The following KCNJ1 variants were observed in gnomAD, a reference collection of about 807,000 sequenced individuals.
KCNJ1 encodes the protein ATP-sensitive inward rectifier potassium channel 1.
In KCNJ1, 24 loss-of-function variants were observed where a neutral mutation model predicts 21.9. That is an observed-to-expected ratio of 1.10 (90% CI 0.79 to 1.54). The LOEUF (loss-of-function observed/expected upper bound fraction) is 1.54, where lower values mean the gene tolerates loss of function less well. Among genes scored for constraint, KCNJ1 ranks in the 40% most tolerant of loss-of-function variants. KCNJ1 has a pLI of 0.00. For synonymous variants in KCNJ1, 152 were observed against 160.9 expected, an observed-to-expected ratio of 0.94 and a Z score of 0.42; for missense variants, 457 against 455.4, an observed-to-expected ratio of 1.00 and a Z score of -0.03.
At chr11:128,849,672 A>AT (rs1943447690) in intron 2 of KCNJ1, among the ~76,000 whole-genome samples, 1 of 152,246 alleles carries the variant, frequency 6.6e-6, no homozygotes, top group Admixed American at 6.5e-5. Flanking sequence ...AGAAGCAGCC[A>AT]TGAGAGCAGC....
intron 1 of KCNJ1, among the ~76,000 whole-genome samples, chr11:128,861,072 G>A (rs1488068907): frequency 1.3e-5 from 2 of 152,210 alleles, no homozygotes; most frequent in Non-Finnish European, 2.9e-5. Flanking sequence ...CAGGGCCCAC[G>A]AATGCCCAGC....
rs1264400726 is a variant in KCNJ1 at position 128,839,095 on chromosome 11, C to T, written c.*30G>A. On this transcript the variant is annotated 3_prime_UTR_variant, in exon 3 of 3. Transcript: ENST00000392666. ...TTCTAGGTACTAGGAGCTTTAGAGA[C>T]TTTGCTTTACTCCCGTTGAAAAGCC... 1.9e-6 allele frequency: 3 copies of T among 1,601,958 alleles called. No individual in the cohort carries two copies. The highest frequency in any genetic ancestry group is 2.6e-6 in the Non-Finnish European group (3 of 1,172,644).
intron 1 of KCNJ1, among the ~76,000 whole-genome samples, chr11:128,861,876 T>C (rs1024326062): frequency 5.3e-5 from 8 of 152,184 alleles, no homozygotes; most frequent in Non-Finnish European, 1.0e-4. Flanking sequence ...GGTTGAAGTC[T>C]AATTTCCTCT....
At chr11:128,843,787 C>A (rs760195722) in intron 2 of KCNJ1, among the ~76,000 whole-genome samples, 2 of 152,188 alleles carry the variant, frequency 1.3e-5, no homozygotes, top group Non-Finnish European at 2.9e-5. Context: ...AATCACTATT[C>A]AATGATGATA....
Position 128,838,104 on chromosome 11 carries a change from G to A in KCNJ1, c.*1021C>T, listed in dbSNP as rs963146345. ...AGCTTTGAGTACCAGTTTTTTTCCA[G>A]GACACATTCGGAATGATGCAGGTGG... On this transcript the variant is annotated 3_prime_UTR_variant, in exon 3 of 3. Transcript: ENST00000392666. The A allele has an allele frequency of 4.6e-5, 7 of 152,512 alleles. No homozygotes were observed. Among genetic ancestry groups the A allele is most frequent in the African/African-American group, 1.4e-4 (6 of 41,388 alleles). The allele number at this position is 152,512 out of a possible 1,614,324, so 9.4% of individuals were successfully genotyped here.
chr11:128,839,703 T>C lies in KCNJ1; in HGVS notation c.541A>G (p.Ile181Val). The C allele has an allele frequency of 6.2e-7, 1 of 1,613,282 alleles. No individual in the cohort carries two copies. Among genetic ancestry groups the C allele is most frequent in the Non-Finnish European group, 8.5e-7 (1 of 1,179,710 alleles). Reference sequence around the variant, plus strand: ...CAAAGCTTCCCTCCCCGTTTGCTGATCACTGCGTTCTTGCTGAACGTAATG... The same window carrying C: ...CAAAGCTTCCCTCCCCGTTTGCTGACCACTGCGTTCTTGCTGAACGTAATG... ...KTITFSKNAV[I>V]SKRGGKLCLL... Residue 181 changes from isoleucine (I) to valine (V), a missense_variant, in exon 3 of 3, where the codon ATC (isoleucine) becomes GTC (valine). Physicochemically the swap from Ile to Val is conservative, Grantham distance 29. Transcript: ENST00000392666.
At chr11:128,848,879 A>G (rs1198488541) in intron 2 of KCNJ1, among the ~76,000 whole-genome samples, 1 of 152,218 alleles carries the variant, frequency 6.6e-6, no homozygotes, top group Non-Finnish European at 1.5e-5. Flanking sequence ...GCACAGATGA[A>G]TGAAGAAAAA....
Position 128,839,452 on chromosome 11 carries a change from C to T in KCNJ1, c.792G>A (p.Ala264=), listed in dbSNP as rs567888166. Residue 264 remains alanine, a synonymous_variant, in exon 3 of 3, where the codon GCG becomes GCA. Coordinates refer to ENST00000392666, the MANE Select transcript of KCNJ1 (RefSeq NM_153766.3). ...DHNSPFFHMA[A]ETLLQQDFEL... ...CAAAGTCCTGCTGGAGAAGGGTCTC[C>T]GCTGCCATGTGGAAGAAAGGGCTGT... The T allele has an allele frequency of 5.6e-4, 902 of 1,614,116 alleles. 7 individuals carry two copies. The South Asian group carries it at 9.3e-3, about 17-fold the overall frequency.
At chr11:128,842,640 A>AC in intron 2 of KCNJ1, 1 of 882,338 alleles carries the variant, frequency 1.1e-6, no homozygotes, top group South Asian at 1.8e-5. Context: ...TTTCTTTCCA[A>AC]CATCACATGG....
chr11:128,838,239 T>G lies in KCNJ1; in HGVS notation c.*886A>C, dbSNP rs967497679. On this transcript the variant is annotated 3_prime_UTR_variant, in exon 3 of 3. Transcript: ENST00000392666. ...TCAGGGAAAGAAAGACATAGTAACATTCTGACTGTGGGGCTCCATCCCATT... is the reference window on the plus strand; with the variant it reads ...TCAGGGAAAGAAAGACATAGTAACAGTCTGACTGTGGGGCTCCATCCCATT... The G allele has an allele frequency of 6.6e-6, 1 of 152,584 alleles. No homozygotes were observed. The highest frequency in any genetic ancestry group is 2.1e-4 in the South Asian group (1 of 4,832). 9.5% of individuals were successfully genotyped at this position (152,584 alleles called of 1,614,324 possible).
chr11:128,856,520 T>A (rs149243695), intron 1 of KCNJ1, among the ~76,000 whole-genome samples: 39 of 152,346 alleles, frequency 2.6e-4, no homozygotes, highest in Non-Finnish European at 4.7e-4. Flanking sequence ...ACATGTGATG[T>A]ACGCTGGGAC....
chr11:128,849,502 C>T (rs1034004705), intron 2 of KCNJ1, among the ~76,000 whole-genome samples: 1 of 152,046 alleles, frequency 6.6e-6, no homozygotes, highest in African/African-American at 2.4e-5. Flanking sequence ...AAAAGCACTA[C>T]AAGAGGAGGA....
chr11:128,864,868 T>G (rs756070147), intron 1 of KCNJ1, among the ~76,000 whole-genome samples: 11 of 152,122 alleles, frequency 7.2e-5, no homozygotes, highest in Admixed American at 1.3e-4. Flanking sequence ...CCGGCCGTGG[T>G]CTTACCCTAC....
intron 2 of KCNJ1, among the ~76,000 whole-genome samples, chr11:128,848,606 T>C (rs1943425119): frequency 6.6e-6 from 1 of 152,204 alleles, no homozygotes; most frequent in African/African-American, 2.4e-5. Flanking sequence ...ACTTGATCCC[T>C]GCCCTGTTCA....
At position 128,839,360 on chromosome 11, in the gene KCNJ1, T is replaced by G. The variant is rs757644888; in HGVS notation, c.884A>C (p.Tyr295Ser). 2 of 1,614,092 alleles carry G rather than the reference T, an allele frequency of 1.2e-6. No individual in the cohort carries two copies. The highest frequency in any genetic ancestry group is 2.2e-5 in the East Asian group (1 of 44,892). ...TSATCQVRTS[Y>S]VPEEVLWGYR... ...GCCCCAAAGCACCTCCTCTGGGACA[T>G]AGGATGTCCGGACTTGGCAGGTAGC... The change falls in exon 3 of 3, where the codon TAT (tyrosine) becomes TCT (serine). Residue 295 changes from tyrosine to serine, a missense_variant. Tyr to Ser is a moderately radical substitution (Grantham distance 144). Coordinates refer to ENST00000392666, the MANE Select transcript of KCNJ1 (RefSeq NM_153766.3).
chr11:128,842,343 T>A, intron 2 of KCNJ1: 1 of 1,611,606 alleles, frequency 6.2e-7, no homozygotes, highest in Admixed American at 1.7e-5. Flanking sequence ...ATTATCTGCC[T>A]GGCTTTCCAG....
chr11:128,851,426 G>A, intron 1 of KCNJ1, among the ~76,000 whole-genome samples: 1 of 152,186 alleles, frequency 6.6e-6, no homozygotes, highest in East Asian at 1.9e-4. Context: ...TCTTCCACTT[G>A]TTTATCCTGT....
Position 128,850,737 on chromosome 11 carries a change from T to C in KCNJ1, c.-38A>G, listed in dbSNP as rs1403140581. The C allele has an allele frequency of 2.0e-6, 2 of 985,262 alleles. No individual in the cohort carries two copies. Among genetic ancestry groups the C allele is most frequent in the Non-Finnish European group, 2.4e-6 (2 of 829,872 alleles). The allele number at this position is 985,262 out of a possible 1,614,324, so 61.0% of individuals were successfully genotyped here. A position where few individuals can be genotyped will look rare whatever the true frequency, so the allele number is the denominator to read the frequency against. On this transcript the variant is annotated 5_prime_UTR_variant, in exon 2 of 3. The change abolishes the stop of an existing upstream ORF in the 5' untranslated region. Transcript: ENST00000392666. ...GCCACTCACCTCTGTCAGAAGAGGT[T>C]CAGGAGATGATTTTCAAAACTTCAT...
chr11:128,860,255 G>A lies in KCNJ1; in HGVS notation c.-192+6918C>T, dbSNP rs80141620. ...GAGCGACACTATAGAAACATGACTT[G>A]GATTTATGGCAAGAGGGACTTCAGT... On this transcript the variant is annotated intron_variant, in intron 1 of 2. Coordinates refer to ENST00000392666, the MANE Select transcript of KCNJ1 (RefSeq NM_153766.3). 3.8e-3 allele frequency among the ~76,000 whole-genome samples: 585 copies of A among 152,326 alleles called. 8 individuals carry two copies. The highest frequency in any genetic ancestry group is 0.013 in the African/African-American group (556 of 41,566).
Sources: allele counts gnomAD v4.1 joint callset (sites outside exome capture counted in the v4.1 genomes callset), GRCh38; gene constraint gnomAD v4.1.1; transcripts MANE v1.5; gene names NCBI Gene and HGNC (gene_info 2026-07-23, HGNC 2026-07-21).